PARD3: variants seen among roughly 807,000 people sequenced by gnomAD.
PARD3 encodes par-3 family cell polarity regulator.
A neutral mutation model predicts 155.4 loss-of-function variants in PARD3; 75 were observed. The ratio of observed to expected loss-of-function variants is 0.48; its 90% CI spans 0.40 to 0.58. The LOEUF (loss-of-function observed/expected upper bound fraction) is 0.58. Among genes scored for constraint, PARD3 ranks in the 20% least tolerant of loss-of-function variants. PARD3 has a pLI of 0.00. For missense variants in PARD3, 1,642 were observed against 1,721.7 expected, an observed-to-expected ratio of 0.95 and a Z score of 0.82; for synonymous variants, 576 against 610.5, an observed-to-expected ratio of 0.94 and a Z score of 0.83.
intron 1 of PARD3, among the ~76,000 whole-genome samples, chr10:34,771,460 T>C (rs1334795646): frequency 6.6e-6 from 1 of 152,234 alleles, no homozygotes; most frequent in Non-Finnish European, 1.5e-5. Flanking sequence ...CTACAGTTAT[T>C]ATCACCATCA....
At chr10:34,538,749 A>G (rs2083395156) in intron 2 of PARD3, among the ~76,000 whole-genome samples, 1 of 152,232 alleles carries the variant, frequency 6.6e-6, no homozygotes, top group Non-Finnish European at 1.5e-5. Flanking sequence ...TTCTAGGAAG[A>G]AGAGGCTGCA....
chr10:34,413,636 C>T (rs910366745), intron 5 of PARD3, among the ~76,000 whole-genome samples: 31 of 152,130 alleles, frequency 2.0e-4, no homozygotes, highest in Admixed American at 1.6e-3. Context: ...CGCTGAGTTT[C>T]GCAGGCTTAG....
At chr10:34,759,314 T>C (rs1436790736) in intron 1 of PARD3, among the ~76,000 whole-genome samples, 1 of 152,102 alleles carries the variant, frequency 6.6e-6, no homozygotes, top group Non-Finnish European at 1.5e-5. Context: ...CCTATCACAT[T>C]AGAAGAAAAA....
At chr10:34,778,452 C>G (rs920455115) in intron 1 of PARD3, among the ~76,000 whole-genome samples, 1 of 152,158 alleles carries the variant, frequency 6.6e-6, no homozygotes, top group African/African-American at 2.4e-5. Flanking sequence ...GAACAGACTT[C>G]GTTTGTGTTG....
chr10:34,594,263 A>G (rs189907167), intron 2 of PARD3, among the ~76,000 whole-genome samples: 4 of 152,314 alleles, frequency 2.6e-5, no homozygotes, highest in Admixed American at 2.6e-4. Context: ...TCAATTTGTA[A>G]AAACAATGTC....
At chr10:34,414,622 C>A (rs1845473712) in intron 5 of PARD3, among the ~76,000 whole-genome samples, 1 of 151,538 alleles carries the variant, frequency 6.6e-6, no homozygotes, top group Non-Finnish European at 1.5e-5. Flanking sequence ...TCAAGACCAG[C>A]CTGGGCAACA....
At chr10:34,175,272 A>G (rs1428543035) in intron 22 of PARD3, among the ~76,000 whole-genome samples, 1 of 152,216 alleles carries the variant, frequency 6.6e-6, no homozygotes, top group African/African-American at 2.4e-5. Context: ...AAGACTCTAA[A>G]GATAGATATT....
intron 20 of PARD3, among the ~76,000 whole-genome samples, chr10:34,308,651 T>C (rs919285491): frequency 4.6e-5 from 7 of 152,128 alleles, no homozygotes; most frequent in East Asian, 1.9e-4. Flanking sequence ...AAGTGTCTGG[T>C]TGATCTCCAA....
intron 2 of PARD3, among the ~76,000 whole-genome samples, chr10:34,546,314 G>A (rs941045093): frequency 1.3e-5 from 2 of 151,842 alleles, no homozygotes; most frequent in African/African-American, 2.4e-5. Context: ...TCAGGGGTTC[G>A]AGACCAGTCT....
At chr10:34,356,103 G>A (rs1490386504) in intron 14 of PARD3, among the ~76,000 whole-genome samples, 4 of 152,102 alleles carry the variant, frequency 2.6e-5, no homozygotes, top group Non-Finnish European at 5.9e-5. Flanking sequence ...CTTTGAGAAT[G>A]ACATAGTGCC....
intron 22 of PARD3, among the ~76,000 whole-genome samples, chr10:34,253,727 T>C (rs1421575111): frequency 1.3e-5 from 2 of 152,206 alleles, no homozygotes; most frequent in Admixed American, 1.3e-4. Flanking sequence ...GCCAGTGGCT[T>C]TTCAGGGCAA....
rs568443605 is a variant in PARD3, at chr10:34,193,971, A to G, written c.3420-62388T>C. Among the ~76,000 whole-genome samples the G allele has an allele frequency of 1.4e-4, 21 of 152,302 alleles. No homozygotes were observed. In the South Asian group the frequency reaches 4.3e-3, roughly 32 times the overall value. ...AGGGCTCTGGAAATAGATTTCCTAT[A>G]GCAGCTGCTTCTGCAAGGACTGCAG... On this transcript the variant is annotated intron_variant, in intron 22 of 24. Coordinates refer to ENST00000374788, the MANE Select transcript of PARD3 (RefSeq NM_001184785.2).
intron 2 of PARD3, among the ~76,000 whole-genome samples, chr10:34,567,243 G>T (rs1244621157): frequency 4.6e-5 from 7 of 152,100 alleles, no homozygotes; most frequent in Admixed American, 2.6e-4. Context: ...ATTTATATTT[G>T]TATTATGCGA....
intron 6 of PARD3, among the ~76,000 whole-genome samples, chr10:34,401,495 A>G (rs1764605399): frequency 6.6e-6 from 1 of 152,198 alleles, no homozygotes; most frequent in African/African-American, 2.4e-5. Context: ...CAAAATATTG[A>G]CACACAAAGC....
At chr10:34,170,924 G>A (rs1024434682) in intron 22 of PARD3, among the ~76,000 whole-genome samples, 9 of 152,214 alleles carry the variant, frequency 5.9e-5, no homozygotes, top group African/African-American at 1.9e-4. Context: ...GCTAGACGCG[G>A]AATTCAAATG....
At chr10:34,681,564 C>A (rs985753697) in intron 2 of PARD3, among the ~76,000 whole-genome samples, 3 of 150,068 alleles carry the variant, frequency 2.0e-5, no homozygotes, top group Non-Finnish European at 4.4e-5. Context: ...ACTTTACATA[C>A]CTTATAGAAC....
intron 3 of PARD3, among the ~76,000 whole-genome samples, chr10:34,504,860 C>A (rs1425999707): frequency 6.6e-6 from 1 of 152,130 alleles, no homozygotes; most frequent in East Asian, 1.9e-4. Context: ...AATAAATAAG[C>A]AAACGTATTA....
At chr10:34,283,927 C>G (rs1243795802) in intron 21 of PARD3, among the ~76,000 whole-genome samples, 1 of 150,622 alleles carries the variant, frequency 6.6e-6, no homozygotes, top group Non-Finnish European at 1.5e-5. Context: ...CAATTAAAAT[C>G]CACTTTGATG....
intron 2 of PARD3, among the ~76,000 whole-genome samples, chr10:34,603,944 C>T (rs1017970291): frequency 3.3e-5 from 5 of 152,042 alleles, no homozygotes; most frequent in African/African-American, 7.2e-5. Flanking sequence ...AAGGCGGTGA[C>T]GGTCAAAGGT....
Sources: allele counts gnomAD v4.1 joint callset (sites outside exome capture counted in the v4.1 genomes callset), GRCh38; gene constraint gnomAD v4.1.1; transcripts MANE v1.5; gene names NCBI Gene and HGNC (gene_info 2026-07-23, HGNC 2026-07-21).